The following MAP3K13 variants were observed in gnomAD, a reference collection of about 807,000 sequenced individuals.
MAP3K13 encodes the protein mitogen-activated protein kinase kinase kinase 13.
MAP3K13 carries 52 observed loss-of-function variants against 104.0 expected under a neutral mutation model. The observed-to-expected ratio is 0.50, with a 90% CI of 0.40 to 0.63. The LOEUF is 0.63. Ranked by LOEUF, MAP3K13 falls within the 20% of genes least tolerant of loss-of-function variation. The pLI is 0.00. For synonymous variants in MAP3K13, 394 were observed against 442.2 expected (o/e 0.89, Z 1.37); for missense variants, 914 against 1,218.5 (o/e 0.75, Z 3.72).
chr3:185,395,063 T>G (rs73054807), intron 1 of MAP3K13, among the ~76,000 whole-genome samples: 3,889 of 152,258 alleles, frequency 0.026, 168 homozygotes, highest in African/African-American at 0.089. Flanking sequence ...GTGGGATATA[T>G]TTAGTACTGA....
chr3:185,426,310 G>C (rs1714413571), intron 1 of MAP3K13, among the ~76,000 whole-genome samples: 1 of 152,134 alleles, frequency 6.6e-6, no homozygotes, highest in African/African-American at 2.4e-5. Context: ...TCGAACTCCT[G>C]ACCTCATGAT....
At chr3:185,348,335 C>G (rs1343663784) in intron 2 of MAP3K13, among the ~76,000 whole-genome samples, 1 of 152,240 alleles carries the variant, frequency 6.6e-6, no homozygotes, top group Non-Finnish European at 1.5e-5. Context: ...GAACTAAAAA[C>G]ACATCTAAGA....
chr3:185,455,144 T>A (rs1245118920), intron 7 of MAP3K13, among the ~76,000 whole-genome samples: 2 of 99,180 alleles, frequency 2.0e-5, no homozygotes, highest in Admixed American at 1.5e-4. Context: ...ATATGATATA[T>A]ATGTGAGATA....
chr3:185,413,549 C>G (rs1158970776), intron 1 of MAP3K13, among the ~76,000 whole-genome samples: 1 of 152,194 alleles, frequency 6.6e-6, no homozygotes, highest in East Asian at 1.9e-4. Flanking sequence ...GGGCTGGGCG[C>G]GGTGGTTCAC....
intron 1 of MAP3K13, among the ~76,000 whole-genome samples, chr3:185,415,853 G>A (rs755475026): frequency 6.6e-5 from 10 of 152,048 alleles, no homozygotes; most frequent in Non-Finnish European, 1.2e-4. Flanking sequence ...AAAGTGCCGG[G>A]ATTGCAGGTG....
intron 10 of MAP3K13, 58 bp downstream of exon 10, chr3:185,467,021 T>C (rs1287452942): frequency 3.7e-6 from 6 of 1,601,702 alleles, no homozygotes; most frequent in Non-Finnish European, 5.1e-6. Flanking sequence ...CACCCACAAA[T>C]CCATTCTCAC....
At chr3:185,295,877 C>T (rs1720903564) in intron 2 of MAP3K13, among the ~76,000 whole-genome samples, 1 of 152,142 alleles carries the variant, frequency 6.6e-6, no homozygotes, top group Non-Finnish European at 1.5e-5. Context: ...ACTGATTCTT[C>T]CCACAGCCAC....
chr3:185,283,898 C>CTTTTTTTTTTTTTT (rs1201384582), intron 1 of MAP3K13, among the ~76,000 whole-genome samples: 8 of 127,410 alleles, frequency 6.3e-5, no homozygotes, highest in African/African-American at 1.5e-4. Flanking sequence ...TTCTTTCTTT[C>CTTTTTTTTTTTTTT]TTTTTTTTTT....
intron 3 of MAP3K13, among the ~76,000 whole-genome samples, chr3:185,440,093 G>A (rs1444793118): frequency 6.6e-6 from 1 of 152,186 alleles, no homozygotes; most frequent in Non-Finnish European, 1.5e-5. Context: ...ACATACAGAA[G>A]GGGAAGTACA....
At chr3:185,435,215 T>C (rs1211914942) in intron 2 of MAP3K13, among the ~76,000 whole-genome samples, 3 of 151,606 alleles carry the variant, frequency 2.0e-5, no homozygotes, top group Admixed American at 2.0e-4. Flanking sequence ...TTTCACCATA[T>C]TGGCCAGGCT....
intron 1 of MAP3K13, among the ~76,000 whole-genome samples, chr3:185,390,200 C>G (rs546200434): frequency 1.3e-5 from 2 of 152,188 alleles, no homozygotes; most frequent in African/African-American, 4.8e-5. Context: ...TGAGTAATAG[C>G]TAATATCTCT....
Position 185,482,358 on chromosome 3 carries a change from C to G in MAP3K13, c.2803C>G (p.Pro935Ala), listed in dbSNP as rs764116860. The G allele has an allele frequency of 6.2e-7, 1 of 1,612,560 alleles. No individual in the cohort carries two copies. The highest frequency in any genetic ancestry group is 1.3e-5 in the African/African-American group (1 of 75,022). The change falls in exon 14 of 14, where the codon CCC (proline) becomes GCC (alanine). Residue 935 changes from proline (P) to alanine (A), a missense_variant. Coordinates refer to ENST00000265026, the MANE Select transcript of MAP3K13 (RefSeq NM_004721.5). The surrounding 1 kb of genome is among the most constrained non-coding windows in gnomAD (Gnocchi z 4.5). Reference sequence around the variant, plus strand: ...AGGTTTTGTCTTGCCTTTGCAGAACCCCATGCAGTTTGAAGAATCGGACTG... The same window carrying G: ...AGGTTTTGTCTTGCCTTTGCAGAACGCCATGCAGTTTGAAGAATCGGACTG... ...LCVEERGYEN[P>A]MQFEESDCDS... is the part of the protein sequence containing the mutation.
intron 7 of MAP3K13, among the ~76,000 whole-genome samples, chr3:185,455,398 TGA>T (rs1224853822): frequency 1.2e-4 from 6 of 48,808 alleles, no homozygotes; most frequent in African/African-American, 3.1e-4. Context: ...ATATCATATA[TGA>T]GATATATATA....
At chr3:185,452,142 G>T (rs1421716633) in intron 7 of MAP3K13, among the ~76,000 whole-genome samples, 1 of 152,148 alleles carries the variant, frequency 6.6e-6, no homozygotes, top group Non-Finnish European at 1.5e-5. Flanking sequence ...TTCTCTAAGT[G>T]TGTCACCTAG....
chr3:185,313,845 T>C (rs531556670), intron 2 of MAP3K13, among the ~76,000 whole-genome samples: 1 of 152,318 alleles, frequency 6.6e-6, no homozygotes, highest in Admixed American at 6.5e-5. Context: ...TACTTGTCTC[T>C]CACGGCCTCT....
Position 185,348,692 on chromosome 3 carries a change from G to C in MAP3K13, c.-86+63049G>C, listed in dbSNP as rs546837543. 2.3e-3 allele frequency among the ~76,000 whole-genome samples: 350 copies of C among 152,270 alleles called. 2 individuals carry two copies. The highest frequency in any genetic ancestry group is 7.7e-3 in the African/African-American group (321 of 41,558). ...CCAGCACTTTGGGAGGCCGAGGCGG[G>C]TGGATCACGAGATCAAGAGATCGAG... On this transcript the variant is annotated intron_variant, in intron 2 of 14. Transcript: ENST00000424227.
At chr3:185,351,613 A>C (rs938111869) in intron 2 of MAP3K13, among the ~76,000 whole-genome samples, 13 of 152,232 alleles carry the variant, frequency 8.5e-5, no homozygotes, top group African/African-American at 3.1e-4. Flanking sequence ...TGTTAAAAAA[A>C]GGAAGACAGA....
At position 185,450,186 on chromosome 3, in the gene MAP3K13, TTCTA is replaced by T; in HGVS notation, c.1169+132_1169+135del. ...GGGTTCAAATACTAGCTCTGCCCCT[TTCTA>T]TCTGTGCAATTTTGGGCACGTTATT... is the stretch of plus-strand genomic sequence containing the variant. On this transcript the variant is annotated intron_variant, in intron 6 of 13. Transcript: ENST00000265026. The surrounding 1 kb of genome is among the most constrained non-coding windows in gnomAD (Gnocchi z 4.2). 1 of 779,276 alleles carries T rather than the reference TTCTA, an allele frequency of 1.3e-6. No homozygotes were observed. The highest frequency in any genetic ancestry group is 3.1e-5 in the South Asian group (1 of 31,828). 48.3% of individuals were successfully genotyped at this position (779,276 alleles called of 1,614,324 possible). A position where few individuals can be genotyped will look rare whatever the true frequency, so the allele number is the denominator to read the frequency against.
At chr3:185,434,283 T>C (rs1044692474) in intron 2 of MAP3K13, among the ~76,000 whole-genome samples, 1 of 152,202 alleles carries the variant, frequency 6.6e-6, no homozygotes, top group African/African-American at 2.4e-5. Flanking sequence ...TTTTGACAAT[T>C]CATGCAAAGC....
Sources: gnomAD v4.1 joint callset for allele counts (sites outside exome capture counted in the v4.1 genomes callset) on GRCh38, gnomAD v4.1.1 for gene constraint, Gnocchi (gnomAD v3.1) non-coding constraint, MANE v1.5 for transcripts, NCBI Gene and HGNC (gene_info 2026-07-23, HGNC 2026-07-21) for gene names.